Variants in ITPR2 observed in about 807,000 individuals in gnomAD.
ITPR2 encodes inositol 1,4,5-trisphosphate-gated calcium channel ITPR2.
In ITPR2, 207 loss-of-function variants were observed where a neutral mutation model predicts 317.1. The observed-to-expected ratio is 0.65, with a 90% CI of 0.58 to 0.73. The LOEUF (loss-of-function observed/expected upper bound fraction) is 0.73. ITPR2 is among the 30% of genes least tolerant of loss of function. ITPR2 has a pLI of 0.00. For synonymous variants in ITPR2, 1,156 were observed against 1,149.1 expected (o/e 1.01, Z -0.12); for missense variants, 2,613 against 3,284.0 (o/e 0.80, Z 4.99).
intron 49 of ITPR2, among the ~76,000 whole-genome samples, chr12:26,426,665 C>A (rs1941069794): frequency 6.6e-6 from 1 of 152,068 alleles, no homozygotes; most frequent in Non-Finnish European, 1.5e-5. Context: ...CCTGAATGTT[C>A]TAGCTAATTG....
chr12:26,478,159 TCCCCCCAGAA>T (rs1942458802), intron 43 of ITPR2, among the ~76,000 whole-genome samples: 1 of 151,920 alleles, frequency 6.6e-6, no homozygotes, highest in Non-Finnish European at 1.5e-5. Flanking sequence ...CCAACTATTT[TCCCCCCAGAA>T]GTACAGCCTA....
At chr12:26,444,770 C>T (rs1941569073) in intron 45 of ITPR2, among the ~76,000 whole-genome samples, 1 of 151,840 alleles carries the variant, frequency 6.6e-6, no homozygotes, top group African/African-American at 2.4e-5. Flanking sequence ...AACTAGAAGA[C>T]CAAATGAACA....
chr12:26,441,803 C>A (rs1278346004), intron 46 of ITPR2, among the ~76,000 whole-genome samples: 1 of 152,108 alleles, frequency 6.6e-6, no homozygotes, highest in South Asian at 2.1e-4. Flanking sequence ...CCAACTTCTG[C>A]TCATTTATTC....
In ITPR2 at chr12:26,831,589, G is replaced by A. The variant is rs1241739128; in HGVS notation, c.92+1101C>T. Among the ~76,000 whole-genome samples the A allele has an allele frequency of 4.6e-5, 7 of 151,750 alleles. No individual in the cohort carries two copies. The highest frequency in any genetic ancestry group is 3.3e-4 in the Admixed American group (5 of 15,206). On this transcript the variant is annotated intron_variant, in intron 1 of 56. Coordinates refer to ENST00000381340, the MANE Select transcript of ITPR2 (RefSeq NM_002223.4). This position sits in a 1 kb window ranked among gnomAD's most constrained non-coding sequence, Gnocchi z 4.9. ...CCTGTGCATCAAAATATACTGCAGC[G>A]TGCAATTAAACTGCACACTGCTATT...
chr12:26,353,935 A>G (rs747467445), intron 55 of ITPR2, among the ~76,000 whole-genome samples: 9 of 152,200 alleles, frequency 5.9e-5, no homozygotes, highest in Non-Finnish European at 1.2e-4. Flanking sequence ...GAAATTGTTT[A>G]GCACCATAAC....
chr12:26,718,918 T>C (rs531645792), intron 5 of ITPR2, among the ~76,000 whole-genome samples: 12 of 152,274 alleles, frequency 7.9e-5, no homozygotes, highest in African/African-American at 2.9e-4. Context: ...TAACATTGTA[T>C]ATATTAAGAG....
At chr12:26,346,153 T>A (rs192112397) in intron 55 of ITPR2, among the ~76,000 whole-genome samples, 1 of 152,236 alleles carries the variant, frequency 6.6e-6, no homozygotes, top group Non-Finnish European at 1.5e-5. Context: ...AACTCCAAGA[T>A]GAACCATCAT....
chr12:26,383,288 T>C (rs1446015892), intron 55 of ITPR2, among the ~76,000 whole-genome samples: 1 of 152,180 alleles, frequency 6.6e-6, no homozygotes, highest in African/African-American at 2.4e-5. Context: ...AATAAACCTC[T>C]TTTCTTTGTA....
rs35153198 is a variant in ITPR2, at chr12:26,405,134, C to CA, written c.7400-4877dup. Among the ~76,000 whole-genome samples, 418 of 134,174 alleles carry CA rather than the reference C, an allele frequency of 3.1e-3. 2 individuals carry two copies. The highest frequency in any genetic ancestry group is 7.4e-3 in the African/African-American group (276 of 37,068). 88.0% of individuals were successfully genotyped at this position (134,174 alleles called of 152,430 possible). On this transcript the variant is annotated intron_variant, in intron 52 of 56. Coordinates refer to ENST00000381340, the MANE Select transcript of ITPR2 (RefSeq NM_002223.4). ...GGGCAACAAGAGCAAAACTCTGTCT[C>CA]AAAAAAAAAAAAAGAAGAAGAAGAA...
chr12:26,545,431 A>C (rs1944372950), intron 37 of ITPR2, among the ~76,000 whole-genome samples: 1 of 152,126 alleles, frequency 6.6e-6, no homozygotes, highest in Non-Finnish European at 1.5e-5. Flanking sequence ...TACCGGCTTT[A>C]AAGATAGGGG....
intron 50 of ITPR2, among the ~76,000 whole-genome samples, chr12:26,417,058 G>A (rs1480183717): frequency 1.3e-5 from 2 of 152,094 alleles, no homozygotes; most frequent in Admixed American, 6.6e-5. Flanking sequence ...CTAGAGTGTG[G>A]TTTTTATTAT....
At chr12:26,609,388 C>G (rs1462163772) in intron 26 of ITPR2, among the ~76,000 whole-genome samples, 2 of 152,136 alleles carry the variant, frequency 1.3e-5, no homozygotes, top group African/African-American at 4.8e-5. Flanking sequence ...AGGTGGGTTG[C>G]TTGAGCTCAA....
At position 26,784,335 on chromosome 12, in the gene ITPR2, CTCCCTCTCCCTCTCCCTCT is replaced by C. The variant is rs1565762602; in HGVS notation, c.163+5803_163+5821del. Among the ~76,000 whole-genome samples the C allele has an allele frequency of 1.3e-3, 66 of 50,342 alleles. 10 individuals carry two copies. Among genetic ancestry groups the C allele is most frequent in the Non-Finnish European group, 2.5e-3 (45 of 18,284 alleles). 33.0% of individuals were successfully genotyped at this position (50,342 alleles called of 152,430 possible). A position where few individuals can be genotyped will look rare whatever the true frequency, so the allele number is the denominator to read the frequency against. On this transcript the variant is annotated intron_variant, in intron 2 of 56. Transcript: ENST00000381340. ...TCTCCCTCTGCCTCTCCCTCTCCCT[CTCCCTCTCCCTCTCCCTCT>C]CCCTCTCCCTCCACGGTCTCCTTCC... is the stretch of plus-strand genomic sequence containing the variant.
intron 2 of ITPR2, among the ~76,000 whole-genome samples, chr12:26,767,991 G>A (rs916555300): frequency 2.6e-5 from 4 of 152,068 alleles, no homozygotes; most frequent in African/African-American, 7.2e-5. Context: ...ATTTCATGCC[G>A]CCTCCTTGGT....
At chr12:26,352,655 C>T (rs1339487715) in intron 55 of ITPR2, among the ~76,000 whole-genome samples, 8 of 152,172 alleles carry the variant, frequency 5.3e-5, no homozygotes, top group Admixed American at 4.6e-4. Context: ...AAACTGGGTG[C>T]TTGAAAATGC....
intron 52 of ITPR2, among the ~76,000 whole-genome samples, chr12:26,402,819 T>C (rs976916742): frequency 6.6e-6 from 1 of 152,218 alleles, no homozygotes; most frequent in East Asian, 1.9e-4. Context: ...TAAATTCATC[T>C]AGTAAATGCC....
chr12:26,670,605 CA>C (rs1275687473), intron 13 of ITPR2, among the ~76,000 whole-genome samples: 1 of 152,080 alleles, frequency 6.6e-6, no homozygotes, highest in Non-Finnish European at 1.5e-5. Flanking sequence ...GGGGAAAAAA[CA>C]GAGCAGAAAA....
chr12:26,469,174 G>A (rs1208024736), intron 45 of ITPR2, among the ~76,000 whole-genome samples: 1 of 152,182 alleles, frequency 6.6e-6, no homozygotes, highest in Non-Finnish European at 1.5e-5. Context: ...TTCATTGTGA[G>A]CTTCTTGATT....
chr12:26,709,246 C>T (rs773211218), intron 9 of ITPR2, among the ~76,000 whole-genome samples: 7 of 152,164 alleles, frequency 4.6e-5, no homozygotes, highest in Middle Eastern at 3.2e-3. Context: ...AAAATAAATT[C>T]GTAACTTTCA....
Sources: gnomAD v4.1 joint callset for allele counts (sites outside exome capture counted in the v4.1 genomes callset) on GRCh38, gnomAD v4.1.1 for gene constraint, Gnocchi (gnomAD v3.1) non-coding constraint, MANE v1.5 for transcripts, NCBI Gene and HGNC (gene_info 2026-07-23, HGNC 2026-07-21) for gene names.